The following GYG2 variants were observed in gnomAD, a reference collection of about 807,000 sequenced individuals.
GYG2 encodes the protein glycogenin 2, also known as glycogenin-2.
A neutral mutation model predicts 29.4 loss-of-function variants in GYG2; 29 were observed. The observed-to-expected ratio is 0.99, with a 90% confidence interval of 0.74 to 1.35. The LOEUF (loss-of-function observed/expected upper bound fraction) is 1.35. Among genes scored for constraint, GYG2 ranks in the 40% most tolerant of loss-of-function variants. The probability of loss-of-function intolerance (pLI) is 0.00; values close to 1 mark genes in which losing one functional copy is unlikely to be tolerated. For synonymous variants in GYG2, 167 were observed against 172.3 expected, an observed-to-expected ratio of 0.97 and a Z score of 0.24; for missense variants, 370 against 385.7, an observed-to-expected ratio of 0.96 and a Z score of 0.34.
chrX:2,848,090 A>C (rs1332203517), intron 3 of GYG2, among the ~76,000 whole-genome samples: 1 of 112,292 alleles, frequency 8.9e-6, no homozygotes, highest in East Asian at 2.8e-4. Flanking sequence ...TAAAGATAAA[A>C]CAAACTGAGG....
Position 2,882,581 on chromosome X carries a change from G to A in GYG2, c.*1368G>A, listed in dbSNP as rs2088739408. ...TTAATAATCGTCAGTCTCGGAGGGC[G>A]AGGCTCGTAGGATATTTCAGGTGAG... is the stretch of plus-strand genomic sequence containing the variant. On this transcript the variant is annotated 3_prime_UTR_variant, in exon 11 of 11. Coordinates refer to ENST00000398806, the MANE Select transcript of GYG2 (RefSeq NM_001079855.2). The A allele has an allele frequency of 1.8e-5, 2 of 109,494 alleles. No individual in the cohort carries two copies. The highest frequency in any genetic ancestry group is 4.3e-4 in the South Asian group (1 of 2,339). The allele number at this position is 109,494 out of a possible 1,213,427, so 9.0% of individuals were successfully genotyped here. A position where few individuals can be genotyped will look rare whatever the true frequency, so the allele number is the denominator to read the frequency against.
chrX:2,870,224 C>G lies in GYG2; in HGVS notation c.1039-5586C>G, dbSNP rs140505899. Among the ~76,000 whole-genome samples the G allele has an allele frequency of 7.0e-3, 766 of 109,292 alleles. 8 individuals carry two copies. Among genetic ancestry groups the G allele is most frequent in the African/African-American group, 0.024 (729 of 29,954 alleles). 94.9% of individuals were successfully genotyped at this position (109,292 alleles called of 115,157 possible). ...TATTTATTTATTTATTTTTTTGAGA[C>G]AGAGACTTGCTCTGTCGTCCAGGCT... is the stretch of plus-strand genomic sequence containing the variant. On this transcript the variant is annotated intron_variant, in intron 8 of 10. Transcript: ENST00000398806.
intron 8 of GYG2, among the ~76,000 whole-genome samples, chrX:2,864,763 TC>T (rs199587405): frequency 0.031 from 3,395 of 109,406 alleles, 153 homozygotes; most frequent in African/African-American, 0.11. Context: ...TCTTTTTCTT[TC>T]TTTTTTTTTT....
At chrX:2,839,616 G>C (rs1376510095) in intron 2 of GYG2, among the ~76,000 whole-genome samples, 1 of 110,701 alleles carries the variant, frequency 9.0e-6, no homozygotes, top group East Asian at 2.8e-4. Flanking sequence ...ACAAGCTAGG[G>C]AAGGGAGAAA....
Position 2,842,788 on chromosome X carries a change from G to C in GYG2, c.8-425G>C, listed in dbSNP as rs1337685135. 3.8e-5 allele frequency among the ~76,000 whole-genome samples: 4 copies of C among 106,289 alleles called. No individual in the cohort carries two copies. The East Asian group carries it at 8.9e-4, about 24-fold the overall frequency. The allele number at this position is 106,289 out of a possible 115,157, so 92.3% of individuals were successfully genotyped here. On this transcript the variant is annotated intron_variant, in intron 2 of 10. Coordinates refer to ENST00000398806, the MANE Select transcript of GYG2 (RefSeq NM_001079855.2). Reference sequence around the variant, plus strand: ...TGAAAGGAAGCATGTATGCGAATTAGAATACTGAATATTCACTGCAAGTCG... The same window carrying C: ...TGAAAGGAAGCATGTATGCGAATTACAATACTGAATATTCACTGCAAGTCG...
intron 3 of GYG2, among the ~76,000 whole-genome samples, chrX:2,846,055 ATTTTTTTTTTTTTTTTT>A (rs374480210): frequency 1.0e-4 from 4 of 38,673 alleles, no homozygotes; most frequent in Non-Finnish European, 1.3e-4. Flanking sequence ...ATATATATAT[ATTTTTTTTTTTTTTTTT>A]TTTTTTTTTT....
intron 4 of GYG2, among the ~76,000 whole-genome samples, 155 bp from the exon 5 acceptor site, chrX:2,854,838 G>C (rs942185831): frequency 8.9e-6 from 1 of 112,246 alleles, no homozygotes; most frequent in Non-Finnish European, 1.9e-5. Context: ...AGGCTGAGGT[G>C]GGGGGATCGC....
intron 8 of GYG2, among the ~76,000 whole-genome samples, chrX:2,862,964 G>A (rs185627801): frequency 1.8e-5 from 2 of 110,366 alleles, no homozygotes; most frequent in Admixed American, 1.9e-4. Context: ...GGAGGCTGAG[G>A]CAGGAGGAAT....
chrX:2,853,093 C>T (rs1029299899), intron 3 of GYG2: 1 of 111,882 alleles, frequency 8.9e-6, no homozygotes, highest in Non-Finnish European at 1.9e-5. Flanking sequence ...CGGCTCACTG[C>T]AACCTCTGCC....
intron 8 of GYG2, among the ~76,000 whole-genome samples, chrX:2,875,361 C>G (rs1603460395): frequency 9.0e-6 from 1 of 111,436 alleles, no homozygotes; most frequent in South Asian, 3.8e-4. Context: ...AGAAAAGAGT[C>G]ACCTGATTTG....
intron 2 of GYG2, among the ~76,000 whole-genome samples, chrX:2,835,948 G>A (rs192143379): frequency 1.3e-4 from 14 of 110,631 alleles, no homozygotes; most frequent in East Asian, 2.9e-4. Flanking sequence ...GAGAAGGGTC[G>A]TCTTGGGGAG....
chrX:2,855,183 G>A (rs772316407), intron 5 of GYG2, 28 bp downstream of exon 5: 1 of 1,172,573 alleles, frequency 8.5e-7, no homozygotes, highest in South Asian at 1.8e-5. Context: ...GGACGCTTAG[G>A]GTCTCTGTTG....
intron 3 of GYG2, 89 bp downstream of exon 3, chrX:2,843,443 C>T (rs1490921794): frequency 2.6e-5 from 18 of 698,088 alleles, no homozygotes; most frequent in South Asian, 2.0e-4. Context: ...GTTATTCTGA[C>T]GACTGACTGC....
At chrX:2,835,100 G>A (rs1030054482) in intron 2 of GYG2, among the ~76,000 whole-genome samples, 8 of 111,276 alleles carry the variant, frequency 7.2e-5, no homozygotes, top group Admixed American at 1.9e-4. Context: ...AGGGGGTTGC[G>A]GGGGGTGGTG....
At chrX:2,831,982 C>T (rs944788978) in intron 2 of GYG2, among the ~76,000 whole-genome samples, 2 of 112,488 alleles carry the variant, frequency 1.8e-5, no homozygotes, top group East Asian at 2.8e-4. Context: ...AAGTGTCCGC[C>T]GCAGTGGCAC....
At chrX:2,877,808 CA>C in intron 10 of GYG2, 1 of 747,121 alleles carries the variant, frequency 1.3e-6, no homozygotes, top group Non-Finnish European at 1.6e-6. Context: ...TTAATGAAAG[CA>C]ATTGCTAACG....
chrX:2,875,908 C>T lies in GYG2; in HGVS notation c.1137C>T (p.Thr379=). ...PQPADFTETE[T]ILQPANKVES... ...CTGCAGACTTCACAGAGACTGAAAC[C>T]ATCTTGGTATTCCTCATCTATATGA... The change falls in exon 9 of 11, where the codon ACC becomes ACT. Residue 379 remains threonine, a synonymous_variant. Coordinates refer to ENST00000398806, the MANE Select transcript of GYG2 (RefSeq NM_001079855.2). The T allele has an allele frequency of 9.1e-7, 1 of 1,102,602 alleles. No homozygotes were observed. 90.9% of individuals were successfully genotyped at this position (1,102,602 alleles called of 1,213,427 possible). A position where few individuals can be genotyped will look rare whatever the true frequency, so the allele number is the denominator to read the frequency against.
intron 7 of GYG2, among the ~76,000 whole-genome samples, chrX:2,860,279 G>C (rs1054079577): frequency 2.7e-5 from 3 of 111,245 alleles, no homozygotes; most frequent in African/African-American, 9.8e-5. Context: ...CTGTTTTGAT[G>C]TGTAGGCCTG....
Position 2,845,039 on chromosome X carries a change from A to ATGTGTATGTATATATACACG in GYG2, c.149+1699_149+1718dup, listed in dbSNP as rs199798658. Among the ~76,000 whole-genome samples the ATGTGTATGTATATATACACG allele has an allele frequency of 5.9e-3, 430 of 72,485 alleles. 32 individuals carry two copies. The highest frequency in any genetic ancestry group is 0.019 in the African/African-American group (392 of 20,717). The allele number at this position is 72,485 out of a possible 115,157, so 62.9% of individuals were successfully genotyped here. On this transcript the variant is annotated intron_variant, in intron 3 of 10. Coordinates refer to ENST00000398806, the MANE Select transcript of GYG2 (RefSeq NM_001079855.2). ...CATGTGTATGTATATTTATATACACATGTGTATGTATATATACACGTGTGT... is the reference window on the plus strand; with the variant it reads ...CATGTGTATGTATATTTATATACACATGTGTATGTATATATACACGTGTGTATGTATATATACACGTGTGT...
Sources: allele counts gnomAD v4.1 joint callset (sites outside exome capture counted in the v4.1 genomes callset), GRCh38; gene constraint gnomAD v4.1.1; transcripts MANE v1.5; gene names NCBI Gene and HGNC (gene_info 2026-07-23, HGNC 2026-07-21).